The following BPTF variants were observed in gnomAD, a reference collection of about 807,000 sequenced individuals.
BPTF encodes nucleosome-remodeling factor subunit BPTF.
Under a neutral mutation model 292.5 loss-of-function variants are expected in BPTF, and 18 were observed. That is an observed-to-expected ratio of 0.06 (90% CI 0.04 to 0.09). The LOEUF is 0.09. Among genes scored for constraint, BPTF ranks in the 10% least tolerant of loss-of-function variants. The probability of loss-of-function intolerance (pLI) is 1.00; values close to 1 mark genes in which losing one functional copy is unlikely to be tolerated. For missense variants in BPTF, 2,726 were observed against 3,498.7 expected, an observed-to-expected ratio of 0.78 and a Z score of 5.57; for synonymous variants, 1,225 against 1,251.9, an observed-to-expected ratio of 0.98 and a Z score of 0.45.
Position 67,966,573 on chromosome 17 carries a change from C to T in BPTF, c.8456C>T (p.Ala2819Val), listed in dbSNP as rs1472901774. The change falls in exon 26 of 28, where the codon GCC becomes GTC. Residue 2819 changes from alanine to valine, a missense_variant and splice_region_variant. By Grantham distance (64) the Ala-to-Val change is moderately conservative. Transcript: ENST00000306378. ...GLKRVLRSLQ[A>V]HKMAWPFLEP... is the part of the protein sequence containing the mutation. ...AATGATGCTGCTTTTTCATTATAGG[C>T]CCATAAGATGGCCTGGCCTTTCCTT... The T allele has an allele frequency of 1.9e-6, 3 of 1,610,956 alleles. No individual in the cohort carries two copies. The highest frequency in any genetic ancestry group is 2.5e-6 in the Non-Finnish European group (3 of 1,178,266).
intron 3 of BPTF, among the ~76,000 whole-genome samples, chr17:67,872,635 G>T (rs570854138): frequency 2.6e-5 from 4 of 152,056 alleles, no homozygotes; most frequent in South Asian, 2.1e-4. Flanking sequence ...GAACCCAGGA[G>T]GCAGAGGTTG....
At chr17:67,962,390 T>A (rs1311681789) in intron 24 of BPTF, among the ~76,000 whole-genome samples, 2 of 152,212 alleles carry the variant, frequency 1.3e-5, no homozygotes, top group Non-Finnish European at 2.9e-5. Context: ...TCAACACTTA[T>A]AGACACACTG....
rs564428967 is a variant in BPTF at position 67,923,222 on chromosome 17, A to C, written c.5708+232A>C. On this transcript the variant is annotated intron_variant, in intron 14 of 27. Transcript: ENST00000306378. ...AGGTGCATGCCACCACGCCCAGCTA[A>C]TGTTTGTATTTTTTGTACAGAGATG... Among the ~76,000 whole-genome samples, 5 of 151,472 alleles carry C rather than the reference A, an allele frequency of 3.3e-5. No homozygotes were observed. In the East Asian group the frequency reaches 9.8e-4, roughly 30 times the overall value.
intron 27 of BPTF, among the ~76,000 whole-genome samples, chr17:67,979,717 A>G (rs1185819291): frequency 7.9e-5 from 12 of 152,132 alleles, no homozygotes; most frequent in Non-Finnish European, 1.8e-4. Flanking sequence ...GGCTTAAACA[A>G]AAGTTGATAA....
intron 1 of BPTF, among the ~76,000 whole-genome samples, chr17:67,841,132 G>A (rs111924567): frequency 0.018 from 2,781 of 152,158 alleles, 93 homozygotes; most frequent in African/African-American, 0.064. Context: ...GTAAGGCCAG[G>A]CATGGTGGCT....
In BPTF at chr17:67,891,721, C is replaced by CT. The variant is rs548245272; in HGVS notation, c.1865-116dup. Reference sequence around the variant, plus strand: ...GATACTTGCTTTGCCATTCAAGGGCCTTTTTTTATCTGTTTACTTTGTGGA... The same window carrying CT: ...GATACTTGCTTTGCCATTCAAGGGCCTTTTTTTTATCTGTTTACTTTGTGGA... On this transcript the variant is annotated intron_variant, in intron 4 of 27. Transcript: ENST00000306378. The CT allele has an allele frequency of 6.4e-4, 394 of 612,894 alleles. 1 individual carries two copies. The African/African-American group carries it at 6.7e-3, about 10-fold the overall frequency. The allele number at this position is 612,894 out of a possible 1,614,324, so 38.0% of individuals were successfully genotyped here.
intron 23 of BPTF, 67 bp from the exon 24 acceptor site, chr17:67,959,474 C>A (rs1180010164): frequency 7.5e-7 from 1 of 1,326,680 alleles, no homozygotes; most frequent in Non-Finnish European, 1.0e-6. Flanking sequence ...AGTGTACCAT[C>A]TTCTGGCCAG....
intron 20 of BPTF, chr17:67,944,713 C>A: frequency 3.2e-6 from 1 of 314,766 alleles, no homozygotes; most frequent in Non-Finnish European, 6.0e-6. Flanking sequence ...GTGGGTAAAT[C>A]CAGTTCATGA....
chr17:67,828,395 A>G (rs1210519086), intron 1 of BPTF, among the ~76,000 whole-genome samples: 1 of 152,224 alleles, frequency 6.6e-6, no homozygotes. Context: ...CAGTTCAGCT[A>G]ACTTTAAGTC....
intron 26 of BPTF, among the ~76,000 whole-genome samples, chr17:67,967,403 A>G (rs77570471): frequency 6.6e-5 from 10 of 151,624 alleles, no homozygotes; most frequent in African/African-American, 2.2e-4. Flanking sequence ...GGCCTCCCCA[A>G]AGTGCTGGGA....
Position 67,945,700 on chromosome 17 carries a change from C to T in BPTF, c.6992C>T (p.Pro2331Leu). 1 of 1,614,158 alleles carries T rather than the reference C, an allele frequency of 6.2e-7. No individual in the cohort carries two copies. Among genetic ancestry groups the T allele is most frequent in the Non-Finnish European group, 8.5e-7 (1 of 1,180,040 alleles). Reference sequence around the variant, plus strand: ...CCCCAAGTTGCAGCACAGTCTCAGCCTCAAAGTAATGTCCAAGGACAGTCT... The same window carrying T: ...CCCCAAGTTGCAGCACAGTCTCAGCTTCAAAGTAATGTCCAAGGACAGTCT... ...SKPQVAAQSQ[P>L]QSNVQGQSPV... The change falls in exon 21 of 28, where the codon CCT (proline) becomes CTT (leucine). Residue 2331 changes from proline (P) to leucine (L), a missense_variant. By Grantham distance (98) the Pro-to-Leu change is moderately conservative. This residue lies in a region of BPTF where 570 missense variants were observed against 633.5 expected (regional missense o/e 0.90). Coordinates refer to ENST00000306378, the MANE Select transcript of BPTF (RefSeq NM_182641.4).
intron 1 of BPTF, among the ~76,000 whole-genome samples, chr17:67,847,691 A>G (rs1294389508): frequency 2.0e-5 from 3 of 151,590 alleles, no homozygotes; most frequent in Non-Finnish European, 2.9e-5. Context: ...AAAAAAAAAA[A>G]GAAAAAAGAA....
rs775325709 is a variant in BPTF at position 67,904,848 on chromosome 17, A to G, written c.2812+8A>G. On this transcript the variant is annotated splice_region_variant and intron_variant, in intron 9 of 27. Coordinates refer to ENST00000306378, the MANE Select transcript of BPTF (RefSeq NM_182641.4). ...GAAAGTCGTTAGAAGGAAGTAAGTA[A>G]TTAAAATTACATGTCCTGCATAATC... 1 of 1,605,518 alleles carries G rather than the reference A, an allele frequency of 6.2e-7. No homozygotes were observed.
At chr17:67,949,252 C>T (rs572817045) in intron 23 of BPTF, among the ~76,000 whole-genome samples, 1 of 152,080 alleles carries the variant, frequency 6.6e-6, no homozygotes, top group African/African-American at 2.4e-5. Context: ...GTAGTCCCAG[C>T]TACTTGGGAG....
chr17:67,848,800 A>G (rs987618939), intron 1 of BPTF, among the ~76,000 whole-genome samples: 6 of 152,174 alleles, frequency 3.9e-5, no homozygotes, highest in African/African-American at 1.4e-4. Flanking sequence ...ATACCTATAC[A>G]TTGTAACATA....
At chr17:67,947,666 CTG>C in intron 21 of BPTF, 58 bp from the exon 22 acceptor site, 1 of 1,268,812 alleles carries the variant, frequency 7.9e-7, no homozygotes, top group Non-Finnish European at 1.1e-6. Flanking sequence ...CTGTTGTTAT[CTG>C]TGTACTAACC....
Position 67,892,166 on chromosome 17 carries a change from G to A in BPTF, c.2055+132G>A, listed in dbSNP as rs79110709. 2.4e-3 allele frequency: 1,710 copies of A among 714,186 alleles called. 33 individuals carry two copies. The African/African-American group carries it at 0.029, about 12-fold the overall frequency. The allele number at this position is 714,186 out of a possible 1,614,324, so 44.2% of individuals were successfully genotyped here. A position where few individuals can be genotyped will look rare whatever the true frequency, so the allele number is the denominator to read the frequency against. On this transcript the variant is annotated intron_variant, in intron 5 of 27. Coordinates refer to ENST00000306378, the MANE Select transcript of BPTF (RefSeq NM_182641.4). ...TTTGAATTATATTTTCTCTGTTTCC[G>A]AAACTGTAGTAGTTAACAAGACTGA...
At chr17:67,948,008 C>A in intron 22 of BPTF, 73 bp from the exon 23 acceptor site, 1 of 1,437,152 alleles carries the variant, frequency 7.0e-7, no homozygotes, top group Non-Finnish European at 9.7e-7. Flanking sequence ...TCTGTAGAGG[C>A]ATAGAAGAAT....
chr17:67,875,663 G>A (rs1166415037), intron 4 of BPTF: 7 of 1,608,112 alleles, frequency 4.4e-6, no homozygotes, highest in East Asian at 2.2e-5. Context: ...GAGGAGCCCT[G>A]TGGGGTGTCT....
Sources: allele counts gnomAD v4.1 joint callset (sites outside exome capture counted in the v4.1 genomes callset), GRCh38; gene constraint gnomAD v4.1.1; regional missense constraint gnomAD v4.1.1; transcripts MANE v1.5; gene names NCBI Gene and HGNC (gene_info 2026-07-23, HGNC 2026-07-21).